NRXN2: variants seen among roughly 807,000 people sequenced by gnomAD.
NRXN2 encodes the protein neurexin-2-beta.
Under a neutral mutation model 128.8 loss-of-function variants are expected in NRXN2, and 29 were observed. That is an observed-to-expected ratio of 0.23 (90% CI 0.17 to 0.31). The LOEUF (loss-of-function observed/expected upper bound fraction) is 0.31, where lower values mean the gene tolerates loss of function less well. Among genes scored for constraint, NRXN2 ranks in the 10% least tolerant of loss-of-function variants. NRXN2 has a pLI of 1.00. For missense variants in NRXN2, 1,881 were observed against 2,452.6 expected (o/e 0.77, Z 4.92); for synonymous variants, 1,098 against 1,075.2 (o/e 1.02, Z -0.41).
At chr11:64,710,165 C>T (rs2056758246) in intron 2 of NRXN2, among the ~76,000 whole-genome samples, 1 of 152,098 alleles carries the variant, frequency 6.6e-6, no homozygotes, top group Non-Finnish European at 1.5e-5. Context: ...GCTTCAGCCT[C>T]CCAAAGTGCT....
chr11:64,719,669 G>A (rs1472376688), intron 1 of NRXN2, among the ~76,000 whole-genome samples: 4 of 152,206 alleles, frequency 2.6e-5, no homozygotes, highest in Non-Finnish European at 5.9e-5. Flanking sequence ...GAGGACAGGT[G>A]CATGGGAGCA....
At chr11:64,646,528 G>C (rs1159558198) in intron 17 of NRXN2, 1 of 152,240 alleles carries the variant, frequency 6.6e-6, no homozygotes, top group Non-Finnish European at 1.5e-5. Context: ...CAAACAGTCA[G>C]GTGCACCTAA....
At chr11:64,677,095 CACA>C (rs1248484707) in intron 6 of NRXN2, 58 bp from the exon 7 acceptor site, 6 of 1,165,206 alleles carry the variant, frequency 5.1e-6, no homozygotes, top group Non-Finnish European at 6.4e-6. Flanking sequence ...CAACAACAAA[CACA>C]ACAACAAAAG....
Position 64,635,158 on chromosome 11 carries a change from T to G in NRXN2, c.3585+113A>C. On this transcript the variant is annotated intron_variant, in intron 18 of 22. Coordinates refer to ENST00000265459, the MANE Select transcript of NRXN2 (RefSeq NM_015080.4). This position sits in a 1 kb window ranked among gnomAD's most constrained non-coding sequence, Gnocchi z 4.8. ...TCCAGCAATGAGGGAACAGAGGTTC[T>G]GAGGGTTCCCCATGAGGGAAGACTT... 1 of 1,233,818 alleles carries G rather than the reference T, an allele frequency of 8.1e-7. No homozygotes were observed. The highest frequency in any genetic ancestry group is 2.3e-5 in the East Asian group (1 of 42,942). 76.4% of individuals were successfully genotyped at this position (1,233,818 alleles called of 1,614,324 possible). A position where few individuals can be genotyped will look rare whatever the true frequency, so the allele number is the denominator to read the frequency against.
At chr11:64,628,058 CTG>C (rs913789349) in intron 19 of NRXN2, among the ~76,000 whole-genome samples, 1 of 152,094 alleles carries the variant, frequency 6.6e-6, no homozygotes, top group Non-Finnish European at 1.5e-5. Context: ...TCATTCAATC[CTG>C]TGTGTGTGTC....
At chr11:64,636,290 T>TCGCCAGC (rs894945187) in intron 17 of NRXN2, among the ~76,000 whole-genome samples, 7 of 151,518 alleles carry the variant, frequency 4.6e-5, no homozygotes, top group Non-Finnish European at 8.8e-5. Flanking sequence ...CTTCTCTTCT[T>TCGCCAGC]CGCCAGCCGG....
chr11:64,647,593 A>G (rs1221852848), intron 17 of NRXN2, among the ~76,000 whole-genome samples: 1 of 152,180 alleles, frequency 6.6e-6, no homozygotes, highest in African/African-American at 2.4e-5. Flanking sequence ...GAACCAAGCG[A>G]AGACAGTAGG....
intron 11 of NRXN2, among the ~76,000 whole-genome samples, chr11:64,656,834 G>A (rs74753329): frequency 1.3e-5 from 2 of 152,206 alleles, no homozygotes; most frequent in Non-Finnish European, 2.9e-5. Flanking sequence ...CAAACATAGT[G>A]GGGGCTGGGA....
chr11:64,714,673 A>G lies in NRXN2; in HGVS notation c.-244-730T>C, dbSNP rs1388661229. 6.6e-6 allele frequency among the ~76,000 whole-genome samples: 1 copy of G among 152,116 alleles called. No individual in the cohort carries two copies. Among genetic ancestry groups the G allele is most frequent in the Non-Finnish European group, 1.5e-5 (1 of 68,012 alleles). ...TAAATGTCTGTCATCCTCAACTTCC[A>G]GCTCTCAGTGCTCAGCCTCAGGACT... On this transcript the variant is annotated intron_variant, in intron 1 of 22. Transcript: ENST00000265459. The surrounding 1 kb of genome is among the most constrained non-coding windows in gnomAD (Gnocchi z 4.5).
At chr11:64,657,600 TA>T (rs1051764987) in intron 11 of NRXN2, among the ~76,000 whole-genome samples, 1 of 151,660 alleles carries the variant, frequency 6.6e-6, no homozygotes, top group Non-Finnish European at 1.5e-5. Context: ...TTTTAAAGAT[TA>T]AAAAAAAGAG....
chr11:64,704,623 C>CACACACAGAG (rs1336665936), intron 2 of NRXN2, among the ~76,000 whole-genome samples: 57 of 81,200 alleles, frequency 7.0e-4, no homozygotes, highest in African/African-American at 2.0e-3. Flanking sequence ...CACACACACA[C>CACACACAGAG]AGAGAGAGAG....
At chr11:64,705,883 T>C (rs2056197794) in intron 2 of NRXN2, among the ~76,000 whole-genome samples, 1 of 148,358 alleles carries the variant, frequency 6.7e-6, no homozygotes, top group African/African-American at 2.5e-5. Context: ...AGTTTCAGGC[T>C]CAGCAATGGC....
rs1252408637 is a variant in NRXN2, at chr11:64,607,330, G to C, written c.5005C>G (p.Gln1669Glu). The C allele has an allele frequency of 3.1e-6, 5 of 1,614,026 alleles. No homozygotes were observed. The Admixed American group carries it at 8.3e-5, about 27-fold the overall frequency. Reference sequence around the variant, plus strand: ...ATGTAGTTTCGGCTCTGGTCCACCTGGTAGGAGCCCTCATCACGATTGCGG... The same window carrying C: ...ATGTAGTTTCGGCTCTGGTCCACCTCGTAGGAGCCCTCATCACGATTGCGG... ...KYRNRDEGSY[Q>E]VDQSRNYISN... The change falls in exon 23 of 23, where the codon CAG (glutamine) becomes GAG (glutamate). Residue 1669 changes from glutamine to glutamate, a missense_variant. Physicochemically the swap from Gln to Glu is conservative, Grantham distance 29. Around this residue, in one of 7 missense-constraint regions of NRXN2, gnomAD observed 63 missense variants for 76.0 expected, o/e 0.83. Coordinates refer to ENST00000265459, the MANE Select transcript of NRXN2 (RefSeq NM_015080.4).
intron 9 of NRXN2, among the ~76,000 whole-genome samples, chr11:64,664,050 G>C (rs888593990): frequency 6.6e-6 from 1 of 152,236 alleles, no homozygotes; most frequent in African/African-American, 2.4e-5. Context: ...AGAGGGAATA[G>C]GGAGTTAGTG....
At chr11:64,666,888 G>A (rs889017414) in intron 9 of NRXN2, among the ~76,000 whole-genome samples, 2 of 152,044 alleles carry the variant, frequency 1.3e-5, no homozygotes, top group Admixed American at 1.3e-4. Flanking sequence ...AAAGGTGAAT[G>A]GGGTATCTAC....
rs1592071552 is a variant in NRXN2, at chr11:64,681,095, T to C, written c.1153-4058A>G. ...CTGAGAGACAAAGTGAGACTCTATCTCCAAAAAAAAAAAAAAAAAGTAAAA... is the reference window on the plus strand; with the variant it reads ...CTGAGAGACAAAGTGAGACTCTATCCCCAAAAAAAAAAAAAAAAAGTAAAA... On this transcript the variant is annotated intron_variant, in intron 6 of 22. Transcript: ENST00000265459. Among the ~76,000 whole-genome samples the C allele has an allele frequency of 5.2e-5, 6 of 114,566 alleles. No individual in the cohort carries two copies. In the East Asian group the frequency reaches 7.4e-4, roughly 14 times the overall value. 75.2% of individuals were successfully genotyped at this position (114,566 alleles called of 152,430 possible). A position where few individuals can be genotyped will look rare whatever the true frequency, so the allele number is the denominator to read the frequency against.
chr11:64,633,647 G>A (rs2044263167), intron 18 of NRXN2, among the ~76,000 whole-genome samples: 1 of 151,948 alleles, frequency 6.6e-6, no homozygotes, highest in Non-Finnish European at 1.5e-5. Context: ...CACTACATGG[G>A]GAAATACACA....
chr11:64,639,835 G>A (rs1005186899), intron 17 of NRXN2, among the ~76,000 whole-genome samples: 5 of 152,136 alleles, frequency 3.3e-5, no homozygotes, highest in Non-Finnish European at 5.9e-5. Flanking sequence ...GGATGCTAGG[G>A]AGACACTGGG....
chr11:64,628,003 C>T (rs1394776477), intron 19 of NRXN2, among the ~76,000 whole-genome samples: 1 of 152,168 alleles, frequency 6.6e-6, no homozygotes, highest in East Asian at 1.9e-4. Flanking sequence ...GGAGATTCTG[C>T]TTTCCCTATA....
Sources: gnomAD v4.1 joint callset for allele counts (sites outside exome capture counted in the v4.1 genomes callset) on GRCh38, gnomAD v4.1.1 for gene constraint, gnomAD v4.1.1 regional missense constraint, Gnocchi (gnomAD v3.1) non-coding constraint, MANE v1.5 for transcripts, NCBI Gene and HGNC (gene_info 2026-07-23, HGNC 2026-07-21) for gene names.